Variants in POLN observed in about 807,000 individuals in gnomAD.
POLN encodes DNA polymerase nu.
A neutral mutation model predicts 113.5 loss-of-function variants in POLN; 108 were observed. The observed-to-expected ratio is 0.95, with a 90% CI of 0.81 to 1.12. The LOEUF is 1.12. Among genes scored for constraint, POLN ranks in the 50% most tolerant of loss-of-function variants. POLN has a pLI of 0.00. For synonymous variants in POLN, 386 were observed against 391.5 expected, an observed-to-expected ratio of 0.99 and a Z score of 0.17; for missense variants, 1,097 against 1,077.1, an observed-to-expected ratio of 1.02 and a Z score of -0.26.
chr4:2,081,112 C>T (rs754382636), intron 22 of POLN, 76 bp from the exon 23 acceptor site: 3 of 1,608,614 alleles, frequency 1.9e-6, no homozygotes, highest in Non-Finnish European at 2.5e-6. Context: ...GCACCATCGC[C>T]ACAGCTCTCA....
chr4:2,079,936 T>A, intron 23 of POLN: 1 of 985,536 alleles, frequency 1.0e-6, no homozygotes, highest in Non-Finnish European at 1.2e-6. Flanking sequence ...CTTCAGTTAC[T>A]GCAGAAAGCA....
intron 20 of POLN, among the ~76,000 whole-genome samples, chr4:2,094,487 G>A (rs1730739191): frequency 6.6e-6 from 1 of 152,104 alleles, no homozygotes; most frequent in Non-Finnish European, 1.5e-5. Flanking sequence ...ACCCAGCTAT[G>A]GCATGCCCAC....
At chr4:2,173,813 G>C (rs1036436908) in intron 11 of POLN, 142 bp downstream of exon 11, 2 of 793,946 alleles carry the variant, frequency 2.5e-6, no homozygotes, top group Non-Finnish European at 4.2e-6. Flanking sequence ...TCCCCTGCAG[G>C]CGTCAGAAAG....
At chr4:2,094,781 C>A (rs977383383) in intron 20 of POLN, among the ~76,000 whole-genome samples, 1 of 152,104 alleles carries the variant, frequency 6.6e-6, no homozygotes, top group African/African-American at 2.4e-5. Flanking sequence ...GCACTCTGGA[C>A]GCTTGTTCAA....
intron 19 of POLN, among the ~76,000 whole-genome samples, chr4:2,123,169 G>GAAACC (rs112587303): frequency 3.7e-3 from 563 of 151,982 alleles, no homozygotes; most frequent in African/African-American, 9.3e-3. Context: ...TCTTATCTCA[G>GAAACC]AAACCAAACC....
chr4:2,241,852 G>A (rs1261581584), intron 1 of POLN, 62 bp from the exon 2 acceptor site: 3 of 985,560 alleles, frequency 3.0e-6, no homozygotes, highest in Non-Finnish European at 3.6e-6. Context: ...AGAAGACGGG[G>A]GTGACAGGCC....
intron 13 of POLN, among the ~76,000 whole-genome samples, chr4:2,166,013 G>A (rs1173808847): frequency 1.3e-5 from 2 of 152,178 alleles, no homozygotes; most frequent in Non-Finnish European, 2.9e-5. Flanking sequence ...CTGGCCTCAA[G>A]TGATCCTCCT....
At position 2,091,800 on chromosome 4, in the gene POLN, T is replaced by TGC. The variant is rs1553893099; in HGVS notation, c.2065+4049_2065+4050dup. 3.9e-3 allele frequency among the ~76,000 whole-genome samples: 570 copies of TGC among 144,950 alleles called. 10 individuals are homozygous for TGC. The highest frequency in any genetic ancestry group is 0.013 in the African/African-American group (494 of 39,410). ...GTGTGTGTGTGTGTGTGTGTGTGTGTGCGCGCGCTACAATTTGACGTTTAG... is the reference window on the plus strand; with the variant it reads ...GTGTGTGTGTGTGTGTGTGTGTGTGTGCGCGCGCGCTACAATTTGACGTTTAG... On this transcript the variant is annotated intron_variant, in intron 20 of 25. Coordinates refer to ENST00000511885, the MANE Select transcript of POLN (RefSeq NM_181808.4).
intron 19 of POLN, among the ~76,000 whole-genome samples, chr4:2,119,617 T>C (rs919085819): frequency 6.6e-6 from 1 of 152,224 alleles, no homozygotes; most frequent in Non-Finnish European, 1.5e-5. Flanking sequence ...AAATTGTTAT[T>C]CTTTGAAAAC....
intron 19 of POLN, 28 bp from the exon 20 acceptor site, chr4:2,095,961 C>T: frequency 6.2e-7 from 1 of 1,605,602 alleles, no homozygotes; most frequent in Non-Finnish European, 8.5e-7. Context: ...GTGTGAAGTT[C>T]AGGCACAGAA....
At chr4:2,150,964 T>C (rs908270747) in intron 16 of POLN, among the ~76,000 whole-genome samples, 4 of 152,224 alleles carry the variant, frequency 2.6e-5, no homozygotes, top group East Asian at 1.9e-4. Flanking sequence ...TAAGAACTCA[T>C]TGATAAATCA....
intron 2 of POLN, 141 bp from the exon 3 acceptor site, chr4:2,229,384 A>G (rs1201209837): frequency 1.5e-6 from 1 of 654,024 alleles, no homozygotes; most frequent in South Asian, 2.9e-5. Flanking sequence ...ATAGGCATCA[A>G]TCATCCAATA....
chr4:2,235,976 C>T (rs1476998910), intron 2 of POLN, among the ~76,000 whole-genome samples: 2 of 151,846 alleles, frequency 1.3e-5, no homozygotes, highest in African/African-American at 4.8e-5. Flanking sequence ...TATTTTTTAA[C>T]ACTAGTATAA....
At chr4:2,193,946 CG>C (rs1733515807) in intron 6 of POLN, among the ~76,000 whole-genome samples, 1 of 152,124 alleles carries the variant, frequency 6.6e-6, no homozygotes, top group Admixed American at 6.5e-5. Flanking sequence ...GTGCCTTGAA[CG>C]TTTGTCTCTC....
chr4:2,190,141 C>T (rs779980078), intron 7 of POLN, among the ~76,000 whole-genome samples: 4 of 152,072 alleles, frequency 2.6e-5, no homozygotes, highest in South Asian at 4.1e-4. Flanking sequence ...GAATCACCCA[C>T]ACTACCTGAC....
At position 2,128,826 on chromosome 4, in the gene POLN, A is replaced by G. The variant is rs188135094; in HGVS notation, c.1867+353T>C. Among the ~76,000 whole-genome samples, 658 of 152,290 alleles carry G rather than the reference A, an allele frequency of 4.3e-3. 4 individuals carry two copies. The highest frequency in any genetic ancestry group is 0.015 in the African/African-American group (618 of 41,560). ...TCCCAGCACTTTGGGAGGCCAAGGC[A>G]GGTGGATCACCTGAGGTCAGGAGTT... On this transcript the variant is annotated intron_variant, in intron 18 of 25. Coordinates refer to ENST00000511885, the MANE Select transcript of POLN (RefSeq NM_181808.4).
chr4:2,159,464 G>C (rs1289201760), intron 13 of POLN, among the ~76,000 whole-genome samples: 6 of 152,172 alleles, frequency 3.9e-5, no homozygotes, highest in African/African-American at 1.4e-4. Flanking sequence ...ATTTAAGTTA[G>C]CGAAATCTAA....
intron 5 of POLN, among the ~76,000 whole-genome samples, chr4:2,204,602 C>T (rs1733800346): frequency 6.6e-6 from 1 of 152,208 alleles, no homozygotes; most frequent in Admixed American, 6.5e-5. Flanking sequence ...AAGTCAGTAT[C>T]ACCCTAATAC....
chr4:2,200,931 G>C (rs1298222193), intron 5 of POLN, among the ~76,000 whole-genome samples: 1 of 152,104 alleles, frequency 6.6e-6, no homozygotes, highest in Non-Finnish European at 1.5e-5. Context: ...AGTCACCAGA[G>C]AAAGGCAAAG....
Sources: allele counts gnomAD v4.1 joint callset (sites outside exome capture counted in the v4.1 genomes callset), GRCh38; gene constraint gnomAD v4.1.1; transcripts MANE v1.5; gene names NCBI Gene and HGNC (gene_info 2026-07-23, HGNC 2026-07-21).